NRXN3: variants seen among roughly 807,000 people sequenced by gnomAD.
NRXN3 encodes the protein neurexin 3.
NRXN3 carries 32 observed loss-of-function variants against 137.6 expected under a neutral mutation model. The observed-to-expected ratio is 0.23, with a 90% CI of 0.18 to 0.31. The LOEUF (loss-of-function observed/expected upper bound fraction) is 0.31, where lower values mean the gene tolerates loss of function less well. NRXN3 is among the 10% of genes least tolerant of loss of function. The pLI is 1.00. For missense variants in NRXN3, 1,574 were observed against 2,062.5 expected (o/e 0.76, Z 4.59); for synonymous variants, 798 against 784.5 (o/e 1.02, Z -0.29).
chr14:78,414,713 C>T (rs924710849), intron 4 of NRXN3, among the ~76,000 whole-genome samples: 2 of 151,990 alleles, frequency 1.3e-5, no homozygotes, highest in African/African-American at 4.8e-5. Flanking sequence ...AGCATTTTGT[C>T]CAAGGGCACA....
At chr14:78,755,964 C>A (rs779753562) in intron 8 of NRXN3, among the ~76,000 whole-genome samples, 1 of 152,116 alleles carries the variant, frequency 6.6e-6, no homozygotes, top group Non-Finnish European at 1.5e-5. Context: ...CCAAATACTT[C>A]CAGTTGAAAA....
intron 4 of NRXN3, among the ~76,000 whole-genome samples, chr14:78,390,349 G>A (rs1007385725): frequency 3.3e-5 from 5 of 152,124 alleles, no homozygotes; most frequent in Admixed American, 3.3e-4. Flanking sequence ...TTGAGTAGTT[G>A]TGTTAAAGAC....
intron 11 of NRXN3, among the ~76,000 whole-genome samples, chr14:78,958,261 A>G (rs2152969624): frequency 6.6e-6 from 1 of 152,216 alleles, no homozygotes; most frequent in East Asian, 1.9e-4. Context: ...AGATCTTCAG[A>G]CTGAATTTGA....
chr14:78,859,091 T>G (rs994343064), intron 10 of NRXN3, among the ~76,000 whole-genome samples: 1 of 152,286 alleles, frequency 6.6e-6, no homozygotes, highest in East Asian at 1.9e-4. Flanking sequence ...GTTCTCATCA[T>G]AGTGAGTTCT....
intron 15 of NRXN3, among the ~76,000 whole-genome samples, chr14:79,409,566 A>C (rs2153511244): frequency 6.9e-6 from 1 of 145,100 alleles, no homozygotes; most frequent in South Asian, 2.2e-4. Flanking sequence ...GTTGTTTGTC[A>C]ATTGAAAAAT....
chr14:78,462,755 T>C (rs1030036543), intron 4 of NRXN3, among the ~76,000 whole-genome samples: 3 of 152,222 alleles, frequency 2.0e-5, no homozygotes, highest in Admixed American at 2.0e-4. Flanking sequence ...CTTTCAACCA[T>C]TGGCAGTTCT....
At chr14:78,248,302 GCCC>G (rs1177541167) in intron 2 of NRXN3, among the ~76,000 whole-genome samples, 1 of 22,530 alleles carries the variant, frequency 4.4e-5, no homozygotes, top group African/African-American at 1.6e-4. Flanking sequence ...ACCGCCCCCC[GCCC>G]CCCCCCCCCC....
intron 10 of NRXN3, among the ~76,000 whole-genome samples, chr14:78,921,971 A>G (rs1452932188): frequency 6.6e-6 from 1 of 152,210 alleles, no homozygotes; most frequent in Admixed American, 6.5e-5. Flanking sequence ...TGTTCACATC[A>G]TATTCCTTTT....
intron 10 of NRXN3, among the ~76,000 whole-genome samples, chr14:78,863,926 T>A (rs1469880964): frequency 1.3e-5 from 2 of 152,090 alleles, no homozygotes; most frequent in African/African-American, 4.8e-5. Context: ...AAAATGTAGG[T>A]TCAAAGACAA....
chr14:78,822,229 T>C (rs2098952707), intron 10 of NRXN3, among the ~76,000 whole-genome samples: 1 of 152,190 alleles, frequency 6.6e-6, no homozygotes, highest in Admixed American at 6.6e-5. Context: ...GTGCATGCAC[T>C]TGACAGGTGG....
At chr14:79,119,140 C>T (rs908588070) in intron 15 of NRXN3, among the ~76,000 whole-genome samples, 1 of 152,286 alleles carries the variant, frequency 6.6e-6, no homozygotes, top group African/African-American at 2.4e-5. Flanking sequence ...GGTGATTTCT[C>T]ATAACATTTC....
At chr14:78,754,723 C>T (rs78219064) in intron 8 of NRXN3, among the ~76,000 whole-genome samples, 3,070 of 152,268 alleles carry the variant, frequency 0.02, 93 homozygotes, top group African/African-American at 0.07. Flanking sequence ...CACTCTAGAC[C>T]TACTGAACCA....
intron 2 of NRXN3, among the ~76,000 whole-genome samples, chr14:78,252,309 G>C (rs1273470564): frequency 6.6e-6 from 1 of 152,050 alleles, no homozygotes; most frequent in Non-Finnish European, 1.5e-5. Context: ...GGCTCTTTGG[G>C]GGAAAAACAG....
intron 16 of NRXN3, among the ~76,000 whole-genome samples, chr14:79,530,986 T>C (rs2097164946): frequency 6.6e-6 from 1 of 152,210 alleles, no homozygotes; most frequent in Non-Finnish European, 1.5e-5. Context: ...ATGTTTTTGA[T>C]CTCAGAGCCC....
chr14:78,974,749 TTG>T (rs1419889742), intron 14 of NRXN3, among the ~76,000 whole-genome samples: 1 of 152,214 alleles, frequency 6.6e-6, no homozygotes, highest in Non-Finnish European at 1.5e-5. Flanking sequence ...TTTTAGTTTT[TTG>T]TTTCCTAACA....
chr14:78,958,578 A>G (rs1413736816), intron 11 of NRXN3, among the ~76,000 whole-genome samples: 1 of 152,120 alleles, frequency 6.6e-6, no homozygotes, highest in African/African-American at 2.4e-5. Flanking sequence ...GATGGTCTCC[A>G]TCTCCTGACC....
chr14:79,284,330 T>A (rs2153449178), intron 15 of NRXN3, among the ~76,000 whole-genome samples: 1 of 109,342 alleles, frequency 9.1e-6, no homozygotes, highest in South Asian at 3.1e-4. Context: ...AAACCCCGTC[T>A]CTACTAAAAA....
intron 15 of NRXN3, among the ~76,000 whole-genome samples, chr14:79,080,562 T>C (rs899541528): frequency 6.6e-6 from 1 of 152,178 alleles, no homozygotes; most frequent in Non-Finnish European, 1.5e-5. Flanking sequence ...CTTCTTATCA[T>C]TGTTAGATCT....
chr14:79,079,083 C>A (rs748504803), intron 15 of NRXN3, among the ~76,000 whole-genome samples: 1 of 152,174 alleles, frequency 6.6e-6, no homozygotes, highest in Non-Finnish European at 1.5e-5. Flanking sequence ...TCTGCTACTG[C>A]AGAACAAAGA....
Sources: allele counts gnomAD v4.1 joint callset (sites outside exome capture counted in the v4.1 genomes callset), GRCh38; gene constraint gnomAD v4.1.1; transcripts MANE v1.5; gene names NCBI Gene and HGNC (gene_info 2026-07-23, HGNC 2026-07-21).